Variants in PLEKHM3 observed in about 807,000 individuals in gnomAD.
The protein encoded by PLEKHM3 is pleckstrin homology domain-containing family M member 3.
Under a neutral mutation model 81.8 loss-of-function variants are expected in PLEKHM3, and 45 were observed. The ratio of observed to expected loss-of-function variants is 0.55; its 90% CI spans 0.43 to 0.71. PLEKHM3 has a LOEUF of 0.71. Ranked by LOEUF, PLEKHM3 falls within the 30% of genes least tolerant of loss-of-function variation. The pLI, the probability that PLEKHM3 is intolerant of heterozygous loss-of-function variation, is 0.00. For synonymous variants in PLEKHM3, 352 were observed against 356.4 expected, an observed-to-expected ratio of 0.99 and a Z score of 0.14; for missense variants, 788 against 924.3, an observed-to-expected ratio of 0.85 and a Z score of 1.91.
At chr2:207,829,708 A>G in intron 7 of PLEKHM3, among the ~76,000 whole-genome samples, 1 of 152,190 alleles carries the variant, frequency 6.6e-6, no homozygotes, top group East Asian at 1.9e-4. Flanking sequence ...CTAGGAGCCC[A>G]GGGAATTGCA....
chr2:207,891,622 C>T (rs903499852), intron 6 of PLEKHM3, among the ~76,000 whole-genome samples: 31 of 152,244 alleles, frequency 2.0e-4, no homozygotes, highest in African/African-American at 7.5e-4. Flanking sequence ...TACTTGAACT[C>T]GGGACCGAGC....
chr2:207,966,276 C>T (rs1690904941), intron 3 of PLEKHM3, among the ~76,000 whole-genome samples: 1 of 152,182 alleles, frequency 6.6e-6, no homozygotes, highest in African/African-American at 2.4e-5. Flanking sequence ...AGTTAAATGA[C>T]TTGTCTTAAG....
chr2:207,921,623 A>G (rs1327463268), intron 5 of PLEKHM3, among the ~76,000 whole-genome samples: 1 of 152,118 alleles, frequency 6.6e-6, no homozygotes, highest in East Asian at 1.9e-4. Flanking sequence ...TCTAACTGTA[A>G]TTTGTATTTG....
rs568267492 is a variant in PLEKHM3 at position 207,859,044 on chromosome 2, T to C, written c.2108+2061A>G. On this transcript the variant is annotated intron_variant, in intron 7 of 7. Coordinates refer to ENST00000427836, the MANE Select transcript of PLEKHM3 (RefSeq NM_001080475.3). The stretch of plus-strand genomic sequence containing the variant: ...TGGACATTTTATATAAATAGAATCA[T>C]GTAATATGTGCTTTGTGTCTGGCTT... Among the ~76,000 whole-genome samples, 4 of 152,230 alleles carry C rather than the reference T, an allele frequency of 2.6e-5. No homozygotes were observed. The East Asian group carries it at 7.7e-4, about 29-fold the overall frequency.
chr2:207,832,883 G>A (rs1311345002), intron 7 of PLEKHM3, among the ~76,000 whole-genome samples: 7 of 146,210 alleles, frequency 4.8e-5, no homozygotes, highest in East Asian at 2.1e-4. Context: ...AGGCTGAGGT[G>A]GGTGGATCAC....
chr2:207,974,601 TGTA>T (rs1265732432), intron 3 of PLEKHM3, among the ~76,000 whole-genome samples: 21 of 152,204 alleles, frequency 1.4e-4, no homozygotes, highest in Admixed American at 1.2e-3. Flanking sequence ...GCCACGGAAG[TGTA>T]CCATAATTCC....
chr2:207,891,830 A>C (rs1383270953), intron 6 of PLEKHM3, among the ~76,000 whole-genome samples: 2 of 152,216 alleles, frequency 1.3e-5, no homozygotes, highest in Non-Finnish European at 2.9e-5. Flanking sequence ...ATTGGGGTCC[A>C]GGATGGATAA....
At chr2:207,958,279 T>C (rs1690590673) in intron 3 of PLEKHM3, among the ~76,000 whole-genome samples, 1 of 152,026 alleles carries the variant, frequency 6.6e-6, no homozygotes, top group South Asian at 2.1e-4. Flanking sequence ...TAACATCTGC[T>C]CCAAGCTTGG....
intron 6 of PLEKHM3, among the ~76,000 whole-genome samples, chr2:207,861,831 TTTAAC>T (rs1381048164): frequency 6.6e-6 from 1 of 152,190 alleles, no homozygotes; most frequent in African/African-American, 2.4e-5. Flanking sequence ...GTTTTTTTCT[TTTAAC>T]TTGTGATTTT....
intron 7 of PLEKHM3, among the ~76,000 whole-genome samples, chr2:207,831,894 A>C (rs1229701002): frequency 6.6e-6 from 1 of 152,182 alleles, no homozygotes; most frequent in Non-Finnish European, 1.5e-5. Context: ...TTATCATATA[A>C]ATTTCCTCCT....
At chr2:207,974,431 G>C (rs144884346) in intron 3 of PLEKHM3, among the ~76,000 whole-genome samples, 9 of 152,284 alleles carry the variant, frequency 5.9e-5, no homozygotes, top group African/African-American at 2.2e-4. Flanking sequence ...AGGTGAATTA[G>C]GCAATACCTC....
At chr2:207,965,173 A>C (rs1457615696) in intron 3 of PLEKHM3, among the ~76,000 whole-genome samples, 7 of 152,348 alleles carry the variant, frequency 4.6e-5, no homozygotes, top group African/African-American at 1.7e-4. Flanking sequence ...GTTTATCTTA[A>C]AACTGTACCT....
In PLEKHM3 at chr2:207,946,612, C is replaced by T. The variant is rs538252358; in HGVS notation, c.1547-100G>A. ...AACATCACAGAACAAGGTTATATTT[C>T]ATTTACCTAGTCTGCAACAAAAAAG... On this transcript the variant is annotated intron_variant, in intron 3 of 7. Coordinates refer to ENST00000427836, the MANE Select transcript of PLEKHM3 (RefSeq NM_001080475.3). 2.6e-5 allele frequency: 37 copies of T among 1,428,728 alleles called. No homozygotes were observed. In the Admixed American group the frequency reaches 5.9e-4, roughly 23 times the overall value. 88.5% of individuals were successfully genotyped at this position (1,428,728 alleles called of 1,614,324 possible). A position where few individuals can be genotyped will look rare whatever the true frequency, so the allele number is the denominator to read the frequency against.
chr2:207,866,259 G>T (rs139455412), intron 6 of PLEKHM3, among the ~76,000 whole-genome samples: 1 of 151,988 alleles, frequency 6.6e-6, no homozygotes, highest in African/African-American at 2.4e-5. Flanking sequence ...AGCTTCAAGC[G>T]ATTCTCCTGC....
intron 7 of PLEKHM3, among the ~76,000 whole-genome samples, chr2:207,844,310 T>TC (rs2092370863): frequency 6.7e-6 from 1 of 149,766 alleles, no homozygotes; most frequent in African/African-American, 2.4e-5. Context: ...TTTCTTTTTT[T>TC]TTTTTTTTTT....
chr2:207,983,564 C>T (rs550984729), intron 2 of PLEKHM3, among the ~76,000 whole-genome samples: 1 of 148,736 alleles, frequency 6.7e-6, no homozygotes, highest in African/African-American at 2.5e-5. Context: ...CATACTGAAA[C>T]CACAAGACAA....
At chr2:207,871,627 T>C (rs2092535139) in intron 6 of PLEKHM3, among the ~76,000 whole-genome samples, 1 of 152,114 alleles carries the variant, frequency 6.6e-6, no homozygotes, top group Admixed American at 6.5e-5. Context: ...CAGAAAAATA[T>C]ATGGGATGGG....
At chr2:207,984,700 A>G (rs545664901) in intron 2 of PLEKHM3, among the ~76,000 whole-genome samples, 1 of 152,246 alleles carries the variant, frequency 6.6e-6, no homozygotes, top group African/African-American at 2.4e-5. Flanking sequence ...TAATATACAT[A>G]GTTTGTTTGA....
chr2:207,825,860 T>G lies in PLEKHM3; in HGVS notation c.*2459A>C, dbSNP rs572231124. The G allele has an allele frequency of 5.1e-4, 78 of 152,280 alleles. No homozygotes were observed. The highest frequency in any genetic ancestry group is 1.8e-3 in the African/African-American group (73 of 41,562). The allele number at this position is 152,280 out of a possible 1,614,324, so 9.4% of individuals were successfully genotyped here. A position where few individuals can be genotyped will look rare whatever the true frequency, so the allele number is the denominator to read the frequency against. The stretch of plus-strand genomic sequence containing the variant: ...AGCAGAAAATGATGTGGGTGGAAAG[T>G]CCTCCTTAGGAGTTCACAGGGACTG... On this transcript the variant is annotated 3_prime_UTR_variant, in exon 8 of 8. Transcript: ENST00000427836.
Sources: gnomAD v4.1 joint callset for allele counts (sites outside exome capture counted in the v4.1 genomes callset) on GRCh38, gnomAD v4.1.1 for gene constraint, MANE v1.5 for transcripts, NCBI Gene and HGNC (gene_info 2026-07-23, HGNC 2026-07-21) for gene names.